IL12RB2: variants seen among roughly 807,000 people sequenced by gnomAD.
IL12RB2 encodes interleukin 12 receptor subunit beta 2, also known as interleukin-12 receptor subunit beta-2.
A neutral mutation model predicts 89.4 loss-of-function variants in IL12RB2; 82 were observed. The observed-to-expected ratio is 0.92, with a 90% confidence interval of 0.77 to 1.10. The LOEUF (loss-of-function observed/expected upper bound fraction) is 1.10. Ranked by LOEUF, IL12RB2 falls within the 50% of genes least tolerant of loss-of-function variation. The pLI is 0.00. For synonymous variants in IL12RB2, 368 were observed against 370.1 expected, an observed-to-expected ratio of 0.99 and a Z score of 0.07; for missense variants, 963 against 1,031.9, an observed-to-expected ratio of 0.93 and a Z score of 0.92.
chr1:67,350,001 T>C (rs569614257), intron 9 of IL12RB2, among the ~76,000 whole-genome samples: 1 of 152,328 alleles, frequency 6.6e-6, no homozygotes, highest in South Asian at 2.1e-4. Context: ...GCAAGGGGCA[T>C]TTGCTGACTA....
chr1:67,369,672 C>T lies in IL12RB2; in HGVS notation c.1459+1647C>T, dbSNP rs1243800830. Among the ~76,000 whole-genome samples the T allele has an allele frequency of 2.0e-5, 3 of 152,192 alleles. No individual in the cohort carries two copies. In the East Asian group the frequency reaches 5.8e-4, roughly 29 times the overall value. ...CTGTGGGATAGTTTGAACTACATGG[C>T]AAGAGAGATGTTTTCCATACTTAGT... On this transcript the variant is annotated intron_variant, in intron 11 of 16. Transcript: ENST00000674203.
chr1:67,396,389 G>A lies in IL12RB2; in HGVS notation c.*300G>A. ...TATGCTGGCCAGAAAGGGAAATGAG[G>A]AGGAGAGTAGAAACCACAGCTCTTA... On this transcript the variant is annotated 3_prime_UTR_variant, in exon 17 of 17. Transcript: ENST00000674203. 2.0e-6 allele frequency: 1 copy of A among 494,474 alleles called. No individual in the cohort carries two copies. Among genetic ancestry groups the A allele is most frequent in the Non-Finnish European group, 3.7e-6 (1 of 269,202 alleles). 30.6% of individuals were successfully genotyped at this position (494,474 alleles called of 1,614,324 possible).
intron 10 of IL12RB2, among the ~76,000 whole-genome samples, chr1:67,362,572 C>CAAAAAAAAAA (rs956277979): frequency 2.3e-5 from 1 of 43,334 alleles, no homozygotes; most frequent in Non-Finnish European, 4.3e-5. Context: ...GACTCCGTCT[C>CAAAAAAAAAA]AAAAAAAAAA....
intron 9 of IL12RB2, among the ~76,000 whole-genome samples, chr1:67,339,514 A>C: frequency 6.6e-6 from 1 of 151,998 alleles, no homozygotes; most frequent in Non-Finnish European, 1.5e-5. Context: ...AAAATCATAC[A>C]AACAGGAATA....
At chr1:67,366,846 T>C (rs575383602) in intron 10 of IL12RB2, among the ~76,000 whole-genome samples, 1 of 152,116 alleles carries the variant, frequency 6.6e-6, no homozygotes, top group African/African-American at 2.4e-5. Flanking sequence ...AGGGTTTAGG[T>C]AGCAATCTGA....
chr1:67,320,394 C>G lies in IL12RB2; in HGVS notation c.26C>G (p.Ser9Ter). 1 of 1,613,930 alleles carries G rather than the reference C, an allele frequency of 6.2e-7. No individual in the cohort carries two copies. Among genetic ancestry groups the G allele is most frequent in the Non-Finnish European group, 8.5e-7 (1 of 1,179,934 alleles). Residue 9 changes from serine to a stop codon, truncating the protein, a stop_gained, in exon 3 of 17, where the codon TCA (serine) becomes TGA (stop). Coordinates refer to ENST00000674203, the MANE Select transcript of IL12RB2 (RefSeq NM_001374259.2). LOFTEE classifies it high-confidence loss of function. MAHTFRGC[S>*]LAFMFIITWL... The stretch of plus-strand genomic sequence containing the variant: ...ATGGCACATACTTTTAGAGGATGCT[C>G]ATTGGCATTTATGTTTATAATCACG...
chr1:67,381,274 T>TCC (rs1226789389), intron 14 of IL12RB2, among the ~76,000 whole-genome samples: 1 of 152,208 alleles, frequency 6.6e-6, no homozygotes, highest in Non-Finnish European at 1.5e-5. Flanking sequence ...AGCATGGGCT[T>TCC]CCCTCCACCA....
intron 9 of IL12RB2, among the ~76,000 whole-genome samples, chr1:67,342,085 A>ACACTT (rs1177255418): frequency 6.6e-6 from 1 of 152,134 alleles, no homozygotes; most frequent in Non-Finnish European, 1.5e-5. Flanking sequence ...GGTACAAGGG[A>ACACTT]GTTATCTAAG....
chr1:67,334,464 G>A (rs1370717339), intron 8 of IL12RB2, among the ~76,000 whole-genome samples: 1 of 152,132 alleles, frequency 6.6e-6, no homozygotes, highest in East Asian at 1.9e-4. Flanking sequence ...ATCTTCACAT[G>A]TCACTAAAAA....
rs144003161 is a variant in IL12RB2 at position 67,397,715 on chromosome 1, G to A, written c.*1626G>A. 1.4e-3 allele frequency among the ~76,000 whole-genome samples: 219 copies of A among 152,304 alleles called. No individual in the cohort carries two copies. Among genetic ancestry groups the A allele is most frequent in the African/African-American group, 4.2e-3 (176 of 41,572 alleles). On this transcript the variant is annotated 3_prime_UTR_variant, in exon 17 of 17. Transcript: ENST00000674203. The stretch of plus-strand genomic sequence containing the variant: ...AATAATGCTCTTCCCTAAAGAACAG[G>A]ATAAAAGATCCAAAATACTTTTTCT...
rs964296744 is a variant in IL12RB2, at chr1:67,340,641, G to A, written c.1038+1938G>A. Among the ~76,000 whole-genome samples the A allele has an allele frequency of 5.3e-5, 8 of 152,326 alleles. No individual in the cohort carries two copies. In the East Asian group the frequency reaches 1.2e-3, roughly 22 times the overall value. On this transcript the variant is annotated intron_variant, in intron 9 of 16. Coordinates refer to ENST00000674203, the MANE Select transcript of IL12RB2 (RefSeq NM_001374259.2). ...AATTCAGCAGTGCTGCATGATGCGT[G>A]TTTATCCTGACAGTGAAAGCTCCAT...
At chr1:67,337,248 C>A (rs948719045) in intron 8 of IL12RB2, among the ~76,000 whole-genome samples, 5 of 152,120 alleles carry the variant, frequency 3.3e-5, no homozygotes, top group Non-Finnish European at 7.4e-5. Flanking sequence ...TTAGATGGAA[C>A]TTTCTAACCT....
At chr1:67,342,522 A>T (rs1025309268) in intron 9 of IL12RB2, among the ~76,000 whole-genome samples, 2 of 151,648 alleles carry the variant, frequency 1.3e-5, no homozygotes, top group Non-Finnish European at 2.9e-5. Context: ...TGTGAGTGTA[A>T]GGATGTGAGT....
intron 10 of IL12RB2, among the ~76,000 whole-genome samples, chr1:67,364,070 G>A (rs964373678): frequency 2.0e-5 from 3 of 152,190 alleles, no homozygotes; most frequent in Non-Finnish European, 2.9e-5. Flanking sequence ...CCCAACTATA[G>A]TTGTCTATAA....
At chr1:67,310,403 C>T (rs987322854) in intron 1 of IL12RB2, among the ~76,000 whole-genome samples, 5 of 151,990 alleles carry the variant, frequency 3.3e-5, no homozygotes, top group Non-Finnish European at 7.4e-5. Context: ...TCATGACCTA[C>T]GAAGTCAAAA....
chr1:67,379,898 G>A, intron 13 of IL12RB2, 88 bp from the exon 14 acceptor site: 1 of 1,033,752 alleles, frequency 9.7e-7, no homozygotes, highest in Non-Finnish European at 1.5e-6. Flanking sequence ...CAAATTAAAT[G>A]AAGCATTAAA....
At chr1:67,309,404 G>A (rs923406812) in intron 1 of IL12RB2, among the ~76,000 whole-genome samples, 1 of 152,050 alleles carries the variant, frequency 6.6e-6, no homozygotes, top group Non-Finnish European at 1.5e-5. Flanking sequence ...ACAAACAAAC[G>A]TTGGATTCTC....
rs188701199 is a variant in IL12RB2 at position 67,326,649 on chromosome 1, G to A, written c.365-86G>A. ...CCTGGGTTTACGGCATGTGGGGGAC[G>A]TATTGTCATGTTGATGGCAGATAAT... On this transcript the variant is annotated intron_variant, in intron 4 of 16. Transcript: ENST00000674203. The A allele has an allele frequency of 3.9e-3, 5,992 of 1,546,068 alleles. 15 individuals are homozygous for A. The highest frequency in any genetic ancestry group is 4.9e-3 in the Non-Finnish European group (5,551 of 1,142,160).
At position 67,326,838 on chromosome 1, in the gene IL12RB2, G is replaced by A. The variant is rs757776580; in HGVS notation, c.468G>A (p.Glu156=). ...GACGAGACACCCACTTATACACTGA[G>A]TATACTCTACAGTGAGTGAGAGGCT... ...ERGRDTHLYT[E]YTLQLSGPKN... is the part of the protein sequence containing the mutation. Residue 156 remains glutamate (E), a synonymous_variant, in exon 5 of 17, where the codon GAG becomes GAA. Coordinates refer to ENST00000674203, the MANE Select transcript of IL12RB2 (RefSeq NM_001374259.2). The A allele has an allele frequency of 1.9e-6, 3 of 1,608,496 alleles. No individual in the cohort carries two copies. The South Asian group carries it at 3.3e-5, about 18-fold the overall frequency.
Sources: gnomAD v4.1 joint callset for allele counts (sites outside exome capture counted in the v4.1 genomes callset) on GRCh38, gnomAD v4.1.1 for gene constraint, MANE v1.5 for transcripts, NCBI Gene and HGNC (gene_info 2026-07-23, HGNC 2026-07-21) for gene names.